Variants in DRC11L observed in about 807,000 individuals in gnomAD.
DRC11L encodes the protein dynein regulatory complex subunit 11 like.
the DRC11L span, among the ~76,000 whole-genome samples, chr7:151,201,909 C>T: frequency 6.6e-6 from 1 of 152,204 alleles, no homozygotes; most frequent in Non-Finnish European, 1.5e-5. This position sits in a 1 kb window ranked among gnomAD's most constrained non-coding sequence, Gnocchi z 4.1. Context: ...TTAACCACTA[C>T]TACCAGGAGT....
chr7:151,191,656 CTCCCTGTACACTGGA>C, the DRC11L span: 1 of 399,260 alleles, frequency 2.5e-6, no homozygotes, highest in Non-Finnish European at 4.4e-6. Context: ...ACTCCTCCTC[CTCCCTGTACACTGGA>C]TCCAGCTTCA....
the DRC11L span, chr7:151,203,456 C>G: frequency 7.5e-6 from 3 of 399,094 alleles, no homozygotes; most frequent in Non-Finnish European, 1.3e-5. Flanking sequence ...CCCTCGCTCC[C>G]GCACAGTGGT....
chr7:151,199,830 C>T, the DRC11L span, among the ~76,000 whole-genome samples: 2 of 152,254 alleles, frequency 1.3e-5, no homozygotes, highest in East Asian at 3.8e-4. The surrounding 1 kb of genome is among the most constrained non-coding windows in gnomAD (Gnocchi z 5.2). Context: ...GCCTGCCTTT[C>T]CTAAGTCAGT....
chr7:151,197,784 G>A, the DRC11L span: 7 of 398,304 alleles, frequency 1.8e-5, no homozygotes, highest in Non-Finnish European at 2.2e-5. Context: ...GGCTCCACCT[G>A]CCACAAAAAA....
At chr7:151,203,448 C>T in the DRC11L span, 1 of 399,138 alleles carries the variant, frequency 2.5e-6, no homozygotes, top group Non-Finnish European at 4.4e-6. Flanking sequence ...AGTATCAGCC[C>T]TCGCTCCCGC....
At chr7:151,199,721 CCCCT>C in the DRC11L span, among the ~76,000 whole-genome samples, 12 of 152,374 alleles carry the variant, frequency 7.9e-5, no homozygotes, top group African/African-American at 1.4e-4. The surrounding 1 kb of genome is among the most constrained non-coding windows in gnomAD (Gnocchi z 5.2). Context: ...CCAGCCCAGC[CCCCT>C]CCTCAGCTCC....
chr7:151,195,381 TACTC>T, the DRC11L span: 6 of 399,048 alleles, frequency 1.5e-5, no homozygotes, highest in Non-Finnish European at 2.7e-5. Context: ...GACTGGGACT[TACTC>T]CACCACCACC....
chr7:151,204,378 T>TG, the DRC11L span: 1 of 367,380 alleles, frequency 2.7e-6, no homozygotes. Context: ...GTCGGCCCCA[T>TG]CCCTACCCCA....
At chr7:151,191,280 C>T in the DRC11L span, among the ~76,000 whole-genome samples, 3 of 152,284 alleles carry the variant, frequency 2.0e-5, no homozygotes, top group Admixed American at 6.5e-5. Context: ...AGTGGGCAAG[C>T]CCTCTTCCCT....
chr7:151,193,660 G>C, the DRC11L span, among the ~76,000 whole-genome samples: 1 of 152,180 alleles, frequency 6.6e-6, no homozygotes, highest in African/African-American at 2.4e-5. Context: ...CACTAGGTCT[G>C]GGAGCCGGGA....
At chr7:151,198,773 G>A in the DRC11L span, 10 of 398,958 alleles carry the variant, frequency 2.5e-5, no homozygotes, top group African/African-American at 2.1e-4. Flanking sequence ...AAGGATGGAG[G>A]GTAGGGTCAG....
chr7:151,194,215 C>T, the DRC11L span: 10 of 398,538 alleles, frequency 2.5e-5, no homozygotes, highest in East Asian at 3.6e-4. Flanking sequence ...CCAAGGGCTG[C>T]CTGCCCAGAG....
the DRC11L span, among the ~76,000 whole-genome samples, chr7:151,198,643 G>T: frequency 6.6e-6 from 1 of 152,064 alleles, no homozygotes; most frequent in South Asian, 2.1e-4. Context: ...AACCAAGAGG[G>T]TCAGCAGTGT....
chr7:151,198,132 G>A, the DRC11L span, among the ~76,000 whole-genome samples: 2 of 146,286 alleles, frequency 1.4e-5, no homozygotes, highest in Admixed American at 6.8e-5. Context: ...ACAGATGGAA[G>A]GATAGACAGA....
the DRC11L span, chr7:151,194,297 T>C: frequency 2.5e-6 from 1 of 399,082 alleles, no homozygotes; most frequent in African/African-American, 2.1e-5. Context: ...CTGTCGTATG[T>C]CAAACAGGGA....
At chr7:151,196,959 A>T in the DRC11L span, 1 of 399,082 alleles carries the variant, frequency 2.5e-6, no homozygotes, top group African/African-American at 2.1e-5. Context: ...ACTCTTCCCC[A>T]GCCATCTCCC....
At chr7:151,199,881 C>G in the DRC11L span, among the ~76,000 whole-genome samples, 1 of 152,214 alleles carries the variant, frequency 6.6e-6, no homozygotes, top group Non-Finnish European at 1.5e-5. This position sits in a 1 kb window ranked among gnomAD's most constrained non-coding sequence, Gnocchi z 5.2. Flanking sequence ...AGGGGATAGA[C>G]AGATTCAAGG....
the DRC11L span, chr7:151,204,823 G>T: frequency 2.5e-6 from 1 of 399,118 alleles, no homozygotes; most frequent in Admixed American, 4.4e-5. Flanking sequence ...GACTCCCAGA[G>T]GCGCTGGTAA....
chr7:151,203,279 G>A, the DRC11L span: 1 of 398,270 alleles, frequency 2.5e-6, no homozygotes, highest in African/African-American at 2.1e-5. Flanking sequence ...CTTGAAGGAG[G>A]CCAGGGATTA....
Sources: allele counts gnomAD v4.1 joint callset (sites outside exome capture counted in the v4.1 genomes callset), GRCh38; gene constraint gnomAD v4.1.1; non-coding constraint Gnocchi (gnomAD v3.1); transcripts MANE v1.5; gene names NCBI Gene and HGNC (gene_info 2026-07-23, HGNC 2026-07-21).